The following LRBA variants were observed in gnomAD, a reference collection of about 807,000 sequenced individuals.
LRBA encodes LPS responsive beige-like anchor protein, also known as lipopolysaccharide-responsive and beige-like anchor protein.
LRBA carries 176 observed loss-of-function variants against 330.0 expected under a neutral mutation model. The ratio of observed to expected loss-of-function variants is 0.53; its 90% CI spans 0.47 to 0.60. The LOEUF is 0.60. Ranked by LOEUF, LRBA falls within the 20% of genes least tolerant of loss-of-function variation. The pLI is 0.00. For missense variants in LRBA, 3,259 were observed against 3,444.8 expected (o/e 0.95, Z 1.35); for synonymous variants, 1,230 against 1,193.0 (o/e 1.03, Z -0.64).
At chr4:150,779,647 T>C (rs1641488064) in intron 34 of LRBA, among the ~76,000 whole-genome samples, 1 of 152,172 alleles carries the variant, frequency 6.6e-6, no homozygotes, top group African/African-American at 2.4e-5. Context: ...TCATTATTTA[T>C]TAAGTTTTGC....
chr4:150,772,234 G>C (rs1264453940), intron 34 of LRBA, among the ~76,000 whole-genome samples: 1 of 152,170 alleles, frequency 6.6e-6, no homozygotes, highest in East Asian at 1.9e-4. Context: ...TGCTCCAACT[G>C]TTCACTTTCA....
intron 40 of LRBA, among the ~76,000 whole-genome samples, chr4:150,511,641 T>C (rs1472749496): frequency 6.6e-6 from 1 of 152,230 alleles, no homozygotes; most frequent in Non-Finnish European, 1.5e-5. Flanking sequence ...CACAACTTAC[T>C]TAGATCTCAT....
At chr4:150,835,518 C>T (rs1291872606) in intron 28 of LRBA, among the ~76,000 whole-genome samples, 1 of 152,162 alleles carries the variant, frequency 6.6e-6, no homozygotes, top group Non-Finnish European at 1.5e-5. Context: ...AGAGGTCCTT[C>T]ACATCTCTTG....
At chr4:150,964,567 G>A (rs1401255071) in intron 2 of LRBA, among the ~76,000 whole-genome samples, 1 of 151,250 alleles carries the variant, frequency 6.6e-6, no homozygotes, top group Non-Finnish European at 1.5e-5. Flanking sequence ...TCCACTAAGG[G>A]TTAAATGGAT....
chr4:150,753,955 T>A (rs983561608), intron 35 of LRBA, among the ~76,000 whole-genome samples: 3 of 151,532 alleles, frequency 2.0e-5, no homozygotes, highest in Non-Finnish European at 4.4e-5. Flanking sequence ...TAGTCCCAGG[T>A]ACTTGGGAGG....
intron 28 of LRBA, among the ~76,000 whole-genome samples, chr4:150,842,296 ATTTG>A (rs1317161108): frequency 1.3e-5 from 2 of 151,842 alleles, no homozygotes; most frequent in Non-Finnish European, 2.9e-5. Context: ...ATTCTAGTTT[ATTTG>A]TTTGTTTATG....
intron 50 of LRBA, among the ~76,000 whole-genome samples, chr4:150,317,622 A>T (rs926096906): frequency 5.3e-5 from 8 of 152,176 alleles, no homozygotes; most frequent in Non-Finnish European, 1.0e-4. Context: ...CAATAGTGCC[A>T]CTTACTTCCA....
rs1778430879 is a variant in LRBA, at chr4:150,639,813, GTGTGTGTATATATATA to G, written c.5922-40698_5922-40683del. Among the ~76,000 whole-genome samples, 11 of 7,262 alleles carry G rather than the reference GTGTGTGTATATATATA, an allele frequency of 1.5e-3. 1 individual carries two copies. The highest frequency in any genetic ancestry group is 8.1e-3 in the East Asian group (2 of 246). The allele number at this position is 7,262 out of a possible 152,430, so 4.8% of individuals were successfully genotyped here. A position where few individuals can be genotyped will look rare whatever the true frequency, so the allele number is the denominator to read the frequency against. ...TGTGTATATATATATATATGTGTGT[GTGTGTGTATATATATA>G]TATATATATATATATATATATATAT... On this transcript the variant is annotated intron_variant, in intron 37 of 56. Coordinates refer to ENST00000651943, the MANE Select transcript of LRBA (RefSeq NM_001364905.1).
chr4:150,895,903 G>A (rs1262809993), intron 16 of LRBA, among the ~76,000 whole-genome samples: 1 of 152,174 alleles, frequency 6.6e-6, no homozygotes, highest in Non-Finnish European at 1.5e-5. Context: ...CCCACCAACA[G>A]TGTAAAAGTG....
At chr4:150,386,479 C>T (rs1743080770) in intron 47 of LRBA, among the ~76,000 whole-genome samples, 1 of 140,180 alleles carries the variant, frequency 7.1e-6, no homozygotes, top group South Asian at 2.5e-4. Context: ...CATGTGTTCT[C>T]ATCATTCAGC....
intron 40 of LRBA, among the ~76,000 whole-genome samples, chr4:150,503,002 G>T (rs568447087): frequency 1.3e-5 from 2 of 152,336 alleles, no homozygotes; most frequent in Admixed American, 1.3e-4. Flanking sequence ...GCGAGGCTGG[G>T]GGAGGGGTGC....
chr4:150,477,833 G>T (rs1356674652), intron 42 of LRBA, among the ~76,000 whole-genome samples: 1 of 151,876 alleles, frequency 6.6e-6, no homozygotes, highest in African/African-American at 2.4e-5. Context: ...TACCATGATT[G>T]TAAGTTTCCT....
chr4:150,454,543 T>A (rs1435160978), intron 44 of LRBA, among the ~76,000 whole-genome samples: 1 of 151,988 alleles, frequency 6.6e-6, no homozygotes, highest in East Asian at 1.9e-4. Context: ...TCTATAACTT[T>A]CCCAATTTAC....
At chr4:150,914,574 A>T (rs1732374830) in intron 8 of LRBA, among the ~76,000 whole-genome samples, 1 of 152,184 alleles carries the variant, frequency 6.6e-6, no homozygotes, top group African/African-American at 2.4e-5. Flanking sequence ...ACCTAGATCA[A>T]ATCCCTGCAT....
chr4:150,330,004 C>G (rs1733781928), intron 48 of LRBA, among the ~76,000 whole-genome samples: 1 of 152,152 alleles, frequency 6.6e-6, no homozygotes. Context: ...GCATATCCTG[C>G]AGAACTAAGT....
At chr4:151,012,766 C>G (rs1264632355) in intron 2 of LRBA, 1 of 151,592 alleles carries the variant, frequency 6.6e-6, no homozygotes, top group African/African-American at 2.4e-5. Flanking sequence ...ATAGAAATAT[C>G]CAATTGTTCA....
At chr4:150,849,025 T>C in intron 25 of LRBA, 27 bp from the exon 26 acceptor site, 2 of 1,483,744 alleles carry the variant, frequency 1.3e-6, no homozygotes, top group Non-Finnish European at 1.8e-6. Flanking sequence ...TTGACATTTA[T>C]ATATATATAT....
rs148034365 is a variant in LRBA, at chr4:150,476,795, C to T, written c.6552-5056G>A. ...GGGCTGACTCAATATATTTTTGTTACGGCTTAAAACTGGTATCTGTGTGTA... is the reference window on the plus strand; with the variant it reads ...GGGCTGACTCAATATATTTTTGTTATGGCTTAAAACTGGTATCTGTGTGTA... On this transcript the variant is annotated intron_variant, in intron 42 of 56. Transcript: ENST00000651943. Among the ~76,000 whole-genome samples the T allele has an allele frequency of 2.7e-3, 410 of 152,202 alleles. 2 individuals are homozygous for T. The highest frequency in any genetic ancestry group is 4.4e-3 in the South Asian group (21 of 4,820).
intron 47 of LRBA, among the ~76,000 whole-genome samples, chr4:150,385,897 G>T (rs968047604): frequency 3.9e-5 from 6 of 152,126 alleles, no homozygotes; most frequent in Non-Finnish European, 8.8e-5. Flanking sequence ...GTAGCAGCTG[G>T]ATAAAGGGAT....
Sources: gnomAD v4.1 joint callset for allele counts (sites outside exome capture counted in the v4.1 genomes callset) on GRCh38, gnomAD v4.1.1 for gene constraint, MANE v1.5 for transcripts, NCBI Gene and HGNC (gene_info 2026-07-23, HGNC 2026-07-21) for gene names.